CEP89: variants seen among roughly 807,000 people sequenced by gnomAD.
CEP89 encodes centrosomal protein of 89 kDa.
In CEP89, 95 loss-of-function variants were observed where a neutral mutation model predicts 97.6. The ratio of observed to expected loss-of-function variants is 0.97; its 90% CI spans 0.82 to 1.15. CEP89 has a LOEUF of 1.15. CEP89 is among the 50% of genes most tolerant of loss of function. The pLI is 0.00. For synonymous variants in CEP89, 354 were observed against 349.1 expected (o/e 1.01, Z -0.16); for missense variants, 869 against 947.7 (o/e 0.92, Z 1.09).
At chr19:32,958,315 A>C (rs1971093919) in intron 3 of CEP89, among the ~76,000 whole-genome samples, 1 of 152,218 alleles carries the variant, frequency 6.6e-6, no homozygotes, top group African/African-American at 2.4e-5. Flanking sequence ...CTAAATTTAC[A>C]ATTATTACAG....
At chr19:32,948,241 A>C in intron 5 of CEP89, 25 bp downstream of exon 5, 1 of 1,365,374 alleles carries the variant, frequency 7.3e-7, no homozygotes, top group Non-Finnish European at 1.0e-6. Flanking sequence ...TATATTTTAT[A>C]AAAATTGTGG....
At chr19:32,924,934 T>C (rs1232591591) in intron 11 of CEP89, among the ~76,000 whole-genome samples, 1 of 152,206 alleles carries the variant, frequency 6.6e-6, no homozygotes, top group African/African-American at 2.4e-5. Flanking sequence ...GACCCTGACT[T>C]AGAAGGAGCA....
chr19:32,905,775 G>A (rs935264756), intron 14 of CEP89, among the ~76,000 whole-genome samples: 1 of 152,186 alleles, frequency 6.6e-6, no homozygotes, highest in Non-Finnish European at 1.5e-5. Context: ...CTAGAGTACA[G>A]TGGTGCAATC....
At chr19:32,943,678 A>T (rs1192966955) in intron 5 of CEP89, among the ~76,000 whole-genome samples, 2 of 152,076 alleles carry the variant, frequency 1.3e-5, no homozygotes, top group African/African-American at 4.8e-5. Context: ...CCTACATATA[A>T]GAGACATTAG....
At chr19:32,942,995 T>G (rs1257376545) in intron 5 of CEP89, among the ~76,000 whole-genome samples, 1 of 152,028 alleles carries the variant, frequency 6.6e-6, no homozygotes, top group Non-Finnish European at 1.5e-5. Flanking sequence ...ATGATCTTCC[T>G]GCCTCAGCCT....
intron 14 of CEP89, among the ~76,000 whole-genome samples, chr19:32,902,161 T>C (rs1969794674): frequency 6.6e-6 from 1 of 151,832 alleles, no homozygotes. Flanking sequence ...TCCATAATAA[T>C]GTAATTATAA....
At chr19:32,891,673 A>G (rs1969520103) in intron 16 of CEP89, among the ~76,000 whole-genome samples, 1 of 152,164 alleles carries the variant, frequency 6.6e-6, no homozygotes, top group South Asian at 2.1e-4. Context: ...GACAGATATA[A>G]AAAAGAACTA....
At chr19:32,892,143 CAT>C (rs551781727) in intron 16 of CEP89, among the ~76,000 whole-genome samples, 10,568 of 136,986 alleles carry the variant, frequency 0.077, 1,328 homozygotes, top group African/African-American at 0.26. Flanking sequence ...TATATTTAGA[CAT>C]ATATATATTT....
chr19:32,919,477 A>C (rs1313937211), intron 12 of CEP89, among the ~76,000 whole-genome samples: 1 of 152,188 alleles, frequency 6.6e-6, no homozygotes, highest in Non-Finnish European at 1.5e-5. Flanking sequence ...GTCAGGCTGT[A>C]ACAATGGTGT....
At position 32,901,250 on chromosome 19, in the gene CEP89, G is replaced by C. The variant is rs1180876896; in HGVS notation, c.1728C>G (p.Ile576Met). 6.2e-7 allele frequency: 1 copy of C among 1,608,610 alleles called. No individual in the cohort carries two copies. The highest frequency in any genetic ancestry group is 8.5e-7 in the Non-Finnish European group (1 of 1,178,792). ...LEAELERAQK[I>M]NRKSQKKIEV... The stretch of plus-strand genomic sequence containing the variant: ...AAGGAAAAAAAGACACAAACCTATT[G>C]ATTTTCTGTGCTCGTTCAAGTTCGG... The change falls in exon 15 of 19, where the codon ATC (isoleucine) becomes ATG (methionine). Residue 576 changes from isoleucine to methionine, a missense_variant. Transcript: ENST00000305768.
intron 9 of CEP89, among the ~76,000 whole-genome samples, chr19:32,930,655 C>G (rs945950774): frequency 6.6e-6 from 1 of 152,060 alleles, no homozygotes; most frequent in Non-Finnish European, 1.5e-5. Flanking sequence ...CTTCACAGCC[C>G]CAAGTTCTGT....
intron 18 of CEP89, among the ~76,000 whole-genome samples, chr19:32,880,669 G>A (rs1286476984): frequency 6.7e-6 from 1 of 148,786 alleles, no homozygotes; most frequent in African/African-American, 2.5e-5. Context: ...AAATTCCCCA[G>A]ACTTTGGTTT....
chr19:32,928,786 C>G (rs1015127385), intron 9 of CEP89, among the ~76,000 whole-genome samples: 2 of 152,158 alleles, frequency 1.3e-5, no homozygotes, highest in African/African-American at 4.8e-5. Context: ...ATTCTAGTCT[C>G]CTCAGCTTCC....
intron 16 of CEP89, 139 bp from the exon 17 acceptor site, chr19:32,887,980 C>G (rs1969435314): frequency 3.2e-6 from 2 of 632,232 alleles, no homozygotes; most frequent in African/African-American, 3.7e-5. Context: ...CTTCCCCACC[C>G]ACTGTGTGAG....
At position 32,876,870 on chromosome 19, in the gene CEP89, G is replaced by A. The variant is rs965599323; in HGVS notation, c.*2292C>T. On this transcript the variant is annotated 3_prime_UTR_variant, in exon 19 of 19. Coordinates refer to ENST00000305768, the MANE Select transcript of CEP89 (RefSeq NM_032816.5). ...TGCACTGTGTGAAAAACTTAAAGCA[G>A]AAACATAAGAACAAAAGTGGACACT... The A allele has an allele frequency of 7.2e-5, 11 of 152,356 alleles. No homozygotes were observed. Among genetic ancestry groups the A allele is most frequent in the East Asian group, 5.8e-4 (3 of 5,178 alleles). 9.4% of individuals were successfully genotyped at this position (152,356 alleles called of 1,614,324 possible). A position where few individuals can be genotyped will look rare whatever the true frequency, so the allele number is the denominator to read the frequency against.
rs376702407 is a variant in CEP89 at position 32,961,258 on chromosome 19, C to T, written c.147-1200G>A. On this transcript the variant is annotated intron_variant, in intron 2 of 18. Coordinates refer to ENST00000305768, the MANE Select transcript of CEP89 (RefSeq NM_032816.5). ...AGCCCTGGCTGGGCACTGCTCCACA[C>T]CCCACCTAACAAATCATATAAGAAA... Among the ~76,000 whole-genome samples the T allele has an allele frequency of 1.2e-4, 18 of 152,014 alleles. No individual in the cohort carries two copies. The East Asian group carries it at 3.1e-3, about 26-fold the overall frequency.
At chr19:32,962,622 A>G (rs1180333730) in intron 2 of CEP89, among the ~76,000 whole-genome samples, 1 of 152,226 alleles carries the variant, frequency 6.6e-6, no homozygotes, top group Non-Finnish European at 1.5e-5. Flanking sequence ...TGTAAGCTGG[A>G]CTTCATAAAA....
At chr19:32,899,129 G>C (rs1215458569) in intron 16 of CEP89, among the ~76,000 whole-genome samples, 5 of 51,292 alleles carry the variant, frequency 9.7e-5, no homozygotes, top group African/African-American at 4.0e-4. Flanking sequence ...GGTTTAATTA[G>C]CATTTTTTTT....
chr19:32,970,886 T>C (rs1310592819), intron 1 of CEP89: 1 of 152,150 alleles, frequency 6.6e-6, no homozygotes, highest in Non-Finnish European at 1.5e-5. Flanking sequence ...CTAGGTGTGG[T>C]GGTGCACACC....
Sources: allele counts gnomAD v4.1 joint callset (sites outside exome capture counted in the v4.1 genomes callset), GRCh38; gene constraint gnomAD v4.1.1; transcripts MANE v1.5; gene names NCBI Gene and HGNC (gene_info 2026-07-23, HGNC 2026-07-21).